ROCK1: variants seen among roughly 807,000 people sequenced by gnomAD.
ROCK1 encodes the protein rho-associated protein kinase 1.
ROCK1 carries 36 observed loss-of-function variants against 196.8 expected under a neutral mutation model. That is an observed-to-expected ratio of 0.18 (90% confidence interval 0.14 to 0.24). The LOEUF (loss-of-function observed/expected upper bound fraction) is 0.24. ROCK1 is among the 10% of genes least tolerant of loss of function. ROCK1 has a pLI of 1.00. For synonymous variants in ROCK1, 443 were observed against 515.9 expected (o/e 0.86, Z 1.91); for missense variants, 920 against 1,562.0 (o/e 0.59, Z 6.93).
intron 24 of ROCK1, 44 bp from the exon 25 acceptor site, chr18:20,968,904 A>C (rs752068772): frequency 3.7e-5 from 47 of 1,273,882 alleles, no homozygotes; most frequent in Admixed American, 2.6e-4. Context: ...GTATTAATTT[A>C]ATTTCTGCAT....
rs374003414 is a variant in ROCK1, at chr18:20,982,778, A to C, written c.2544T>G (p.Ala848=). 1.9e-6 allele frequency: 3 copies of C among 1,556,070 alleles called. No individual in the cohort carries two copies. The highest frequency in any genetic ancestry group is 2.7e-6 in the Non-Finnish European group (3 of 1,128,652). ...QMRELQDQLE[A]EQYFSTLYKT... ...TCTCACTTACCGAGAAATATTGCTC[A>C]GCTTCAAGCTGATCTTGTAGCTCCC... The change falls in exon 21 of 33, where the codon GCT becomes GCG. Residue 848 remains alanine (A), a synonymous_variant. Transcript: ENST00000399799.
chr18:20,959,130 T>TTA (rs1196029781), intron 29 of ROCK1, among the ~76,000 whole-genome samples: 126 of 50,430 alleles, frequency 2.5e-3, no homozygotes, highest in African/African-American at 6.6e-3. Flanking sequence ...AATATATATA[T>TTA]TATATATATT....
rs1337767653 is a variant in ROCK1 at position 20,968,875 on chromosome 18, T to C, written c.2915-15A>G. 10 of 1,429,026 alleles carry C rather than the reference T, an allele frequency of 7.0e-6. No homozygotes were observed. The highest frequency in any genetic ancestry group is 8.9e-6 in the Non-Finnish European group (9 of 1,013,486). The allele number at this position is 1,429,026 out of a possible 1,614,324, so 88.5% of individuals were successfully genotyped here. ...CAGTTTATATTCTGTCAACAAATTA[T>C]ATTAAATGTTATTGTATGGTATTAA... On this transcript the variant is annotated splice_polypyrimidine_tract_variant and intron_variant, in intron 24 of 32. Coordinates refer to ENST00000399799, the MANE Select transcript of ROCK1 (RefSeq NM_005406.3).
At position 21,110,943 on chromosome 18, in the gene ROCK1, G is replaced by GC; in HGVS notation, c.-34dup. ...CTGCTGTGACAATGCCCTCTTACCA[G>GC]CACCAGCAGCGGAAAGCAATTTCAA... On this transcript the variant is annotated 5_prime_UTR_variant, in exon 1 of 33. Transcript: ENST00000399799. 1 of 1,559,768 alleles carries GC rather than the reference G, an allele frequency of 6.4e-7. No homozygotes were observed. Among genetic ancestry groups the GC allele is most frequent in the Non-Finnish European group, 8.8e-7 (1 of 1,131,870 alleles).
At chr18:21,006,831 T>G in intron 14 of ROCK1, 41 bp from the exon 15 acceptor site, 1 of 1,280,470 alleles carries the variant, frequency 7.8e-7, no homozygotes, top group Non-Finnish European at 1.1e-6. Context: ...TACAACATTT[T>G]CATAGGGGAA....
chr18:20,952,868 C>T (rs1313770444), intron 32 of ROCK1, among the ~76,000 whole-genome samples: 1 of 151,772 alleles, frequency 6.6e-6, no homozygotes, highest in African/African-American at 2.4e-5. Flanking sequence ...CAAACTAACA[C>T]AGGAATAGAA....
intron 1 of ROCK1, among the ~76,000 whole-genome samples, chr18:21,101,667 T>C (rs965538626): frequency 6.6e-6 from 1 of 152,164 alleles, no homozygotes; most frequent in Non-Finnish European, 1.5e-5. Flanking sequence ...TTTCTCTATA[T>C]TAAGAGACTT....
At chr18:21,087,773 C>A (rs981790842) in intron 1 of ROCK1, among the ~76,000 whole-genome samples, 3 of 152,146 alleles carry the variant, frequency 2.0e-5, no homozygotes, top group African/African-American at 4.8e-5. Context: ...GAACTGGGCA[C>A]AAAATCATCA....
At position 20,966,968 on chromosome 18, in the gene ROCK1, T is replaced by G. The variant is rs752540628; in HGVS notation, c.3301A>C (p.Thr1101Pro). 1 of 1,613,704 alleles carries G rather than the reference T, an allele frequency of 6.2e-7. No individual in the cohort carries two copies. The highest frequency in any genetic ancestry group is 1.3e-5 in the African/African-American group (1 of 74,936). The change falls in exon 27 of 33, where the codon ACA (threonine) becomes CCA (proline). Residue 1101 changes from threonine (T) to proline (P), a missense_variant. By Grantham distance (38) the Thr-to-Pro change is conservative. Around this residue, in one of 6 missense-constraint regions of ROCK1, gnomAD observed 116 missense variants for 204.2 expected, o/e 0.57. Transcript: ENST00000399799. ...GCACTAGGAAAACTAGCAACACTTG[T>G]AGAATCCGAGAGGTCCAAAAGTTTA... is the stretch of plus-strand genomic sequence containing the variant. ...RAKLLDLSDS[T>P]SVASFPSADE... is the part of the protein sequence containing the mutation.
intron 24 of ROCK1, 23 bp from the exon 25 acceptor site, chr18:20,968,883 G>A: frequency 7.2e-7 from 1 of 1,381,816 alleles, no homozygotes; most frequent in Non-Finnish European, 1.0e-6. Context: ...TATATTAAAT[G>A]TTATTGTATG....
intron 22 of ROCK1, among the ~76,000 whole-genome samples, chr18:20,974,457 T>A (rs1168371912): frequency 6.6e-6 from 1 of 152,208 alleles, no homozygotes; most frequent in African/African-American, 2.4e-5. Context: ...TGGGTTATAC[T>A]TTAAGACACC....
At chr18:21,015,540 A>G (rs2035855363) in intron 12 of ROCK1, 61 bp from the exon 13 acceptor site, 2 of 1,028,180 alleles carry the variant, frequency 1.9e-6, no homozygotes, top group Non-Finnish European at 3.0e-6. Context: ...CCAGTGTTAA[A>G]CACTAACATT....
At chr18:20,983,089 TA>T (rs1165234430) in intron 20 of ROCK1, among the ~76,000 whole-genome samples, 1 of 151,794 alleles carries the variant, frequency 6.6e-6, no homozygotes, top group African/African-American at 2.4e-5. Flanking sequence ...TGGAGAATAT[TA>T]ATTGTGGATC....
intron 29 of ROCK1, among the ~76,000 whole-genome samples, chr18:20,955,751 T>C (rs1320980559): frequency 1.3e-5 from 2 of 148,758 alleles, no homozygotes; most frequent in Non-Finnish European, 3.0e-5. Context: ...ATCTATACTA[T>C]GGAATACTAC....
intron 1 of ROCK1, among the ~76,000 whole-genome samples, chr18:21,071,081 A>G (rs539310964): frequency 6.6e-6 from 1 of 152,192 alleles, no homozygotes; most frequent in Non-Finnish European, 1.5e-5. Context: ...TTTAATTATA[A>G]AAATGTATTA....
At chr18:21,058,890 A>C (rs776957714) in intron 2 of ROCK1, among the ~76,000 whole-genome samples, 5 of 152,136 alleles carry the variant, frequency 3.3e-5, no homozygotes, top group African/African-American at 7.2e-5. Flanking sequence ...TGTTTTAATT[A>C]AGAAAATTAT....
At chr18:21,075,008 G>C (rs552396301) in intron 1 of ROCK1, among the ~76,000 whole-genome samples, 12 of 152,284 alleles carry the variant, frequency 7.9e-5, no homozygotes, top group Non-Finnish European at 1.5e-4. Context: ...GTGAGAAGGA[G>C]ATGAAGGAGA....
intron 2 of ROCK1, among the ~76,000 whole-genome samples, chr18:21,069,004 A>G (rs1322976495): frequency 6.6e-6 from 1 of 152,142 alleles, no homozygotes; most frequent in Non-Finnish European, 1.5e-5. Context: ...ATGTTAAATA[A>G]AAGTGGTAAG....
intron 19 of ROCK1, among the ~76,000 whole-genome samples, chr18:20,985,931 C>T (rs1358375962): frequency 6.6e-6 from 1 of 152,158 alleles, no homozygotes; most frequent in Non-Finnish European, 1.5e-5. Context: ...AATCTTGGCT[C>T]ACTGCAGCCT....
Sources: allele counts gnomAD v4.1 joint callset (sites outside exome capture counted in the v4.1 genomes callset), GRCh38; gene constraint gnomAD v4.1.1; regional missense constraint gnomAD v4.1.1; transcripts MANE v1.5; gene names NCBI Gene and HGNC (gene_info 2026-07-23, HGNC 2026-07-21).